LPP: variants seen among roughly 807,000 people sequenced by gnomAD.
LPP encodes the protein lipoma-preferred partner.
In LPP, 38 loss-of-function variants were observed where a neutral mutation model predicts 60.4. That is an observed-to-expected ratio of 0.63 (90% CI 0.49 to 0.83). LPP has a LOEUF of 0.83. Among genes scored for constraint, LPP ranks in the 40% least tolerant of loss-of-function variants. LPP has a pLI of 0.00. For synonymous variants in LPP, 328 were observed against 290.8 expected (o/e 1.13, Z -1.30); for missense variants, 902 against 783.6 (o/e 1.15, Z -1.80).
intron 2 of LPP, among the ~76,000 whole-genome samples, chr3:188,297,657 A>G (rs1748380787): frequency 2.0e-5 from 3 of 152,236 alleles, no homozygotes; most frequent in East Asian, 1.9e-4. Flanking sequence ...TCCATTTTAT[A>G]TATGAAGAAA....
intron 9 of LPP, among the ~76,000 whole-genome samples, chr3:188,812,777 CT>C (rs1352870743): frequency 2.7e-5 from 1 of 37,420 alleles, no homozygotes; most frequent in Non-Finnish European, 4.4e-5. Context: ...CACTCTCCCT[CT>C]CTCTCTCTCT....
chr3:188,473,277 A>G (rs573134486), intron 4 of LPP, among the ~76,000 whole-genome samples: 35 of 152,338 alleles, frequency 2.3e-4, no homozygotes, highest in African/African-American at 7.9e-4. Context: ...AAACACTGAC[A>G]TAATACTTCC....
At chr3:188,775,053 G>GTT (rs764136747) in intron 9 of LPP, among the ~76,000 whole-genome samples, 12,595 of 127,564 alleles carry the variant, frequency 0.099, 584 homozygotes, top group Non-Finnish European at 0.11. Context: ...TACATGCTTA[G>GTT]TGTTTTTTTT....
At chr3:188,786,878 C>T (rs902962441) in intron 9 of LPP, among the ~76,000 whole-genome samples, 1 of 152,104 alleles carries the variant, frequency 6.6e-6, no homozygotes, top group Non-Finnish European at 1.5e-5. Context: ...TGAAATAACA[C>T]TATATAAATG....
At chr3:188,494,547 CCCCTCA>C (rs1809377963) in intron 5 of LPP, among the ~76,000 whole-genome samples, 3 of 152,106 alleles carry the variant, frequency 2.0e-5, no homozygotes, top group Non-Finnish European at 4.4e-5. Context: ...CCTTGCCCCA[CCCCTCA>C]CCCTTTTTGT....
rs144348900 is a variant in LPP at position 188,381,504 on chromosome 3, A to C, written c.-9-24608A>C. On this transcript the variant is annotated intron_variant, in intron 3 of 11. Transcript: ENST00000617246. ...CATCTCTTTACTCTAGAAGGTTCTC[A>C]AAGGAGTTACCACACATGAAAGAAG... 3.9e-4 allele frequency among the ~76,000 whole-genome samples: 59 copies of C among 152,312 alleles called. No individual in the cohort carries two copies. The East Asian group carries it at 0.011, about 29-fold the overall frequency.
intron 9 of LPP, among the ~76,000 whole-genome samples, chr3:188,815,105 G>A (rs1752112160): frequency 6.6e-6 from 1 of 152,226 alleles, no homozygotes; most frequent in African/African-American, 2.4e-5. Flanking sequence ...GTTGGCATCT[G>A]ACACTAAATA....
chr3:188,267,855 C>A (rs984270497), intron 2 of LPP, among the ~76,000 whole-genome samples: 9 of 152,082 alleles, frequency 5.9e-5, no homozygotes, highest in Admixed American at 5.9e-4. Flanking sequence ...AGACCTCCAT[C>A]CCTAAACCCG....
intron 3 of LPP, among the ~76,000 whole-genome samples, chr3:188,365,131 T>C (rs4686953): frequency 0.35 from 51,202 of 147,392 alleles, 10,211 homozygotes; most frequent in Middle Eastern, 0.59. Flanking sequence ...TTTTTTTTTT[T>C]CTGGTGACCT....
chr3:188,221,392 T>C (rs1715719200), intron 1 of LPP, among the ~76,000 whole-genome samples: 1 of 152,182 alleles, frequency 6.6e-6, no homozygotes, highest in Non-Finnish European at 1.5e-5. Context: ...ATTGAGGCTC[T>C]TCGACACCCC....
intron 7 of LPP, among the ~76,000 whole-genome samples, chr3:188,617,209 C>T (rs144866988): frequency 2.0e-5 from 3 of 152,106 alleles, no homozygotes; most frequent in Non-Finnish European, 2.9e-5. Flanking sequence ...GACATAGAAG[C>T]GATTTTCAGA....
At position 188,818,026 on chromosome 3, in the gene LPP, G is replaced by T. The variant is rs554841871; in HGVS notation, c.1411-48174G>T. 2.6e-5 allele frequency among the ~76,000 whole-genome samples: 4 copies of T among 152,298 alleles called. No homozygotes were observed. In the South Asian group the frequency reaches 8.3e-4, roughly 32 times the overall value. On this transcript the variant is annotated intron_variant, in intron 9 of 11. Coordinates refer to ENST00000617246, the MANE Select transcript of LPP (RefSeq NM_001375462.1). The stretch of plus-strand genomic sequence containing the variant: ...AGCATGAGCAGAATCTCTCCTCTCT[G>T]CTAGTGAGGTCCTGTAGGTCTACAA...
chr3:188,767,203 G>C (rs780672050), intron 9 of LPP, among the ~76,000 whole-genome samples: 9 of 152,120 alleles, frequency 5.9e-5, no homozygotes, highest in Non-Finnish European at 8.8e-5. Context: ...CAAAGATGTA[G>C]TAGTAAACTC....
intron 2 of LPP, among the ~76,000 whole-genome samples, chr3:188,247,592 A>C (rs1727442475): frequency 6.6e-6 from 1 of 151,948 alleles, no homozygotes; most frequent in African/African-American, 2.4e-5. Context: ...TGAGGTCTGG[A>C]GTTCAAGACC....
chr3:188,721,112 G>A (rs1716186807), intron 8 of LPP, among the ~76,000 whole-genome samples: 1 of 151,972 alleles, frequency 6.6e-6, no homozygotes, highest in South Asian at 2.1e-4. Flanking sequence ...AGTATTATTT[G>A]CCTAATATTT....
chr3:188,592,231 T>G (rs1237352372), intron 6 of LPP, among the ~76,000 whole-genome samples: 1 of 152,116 alleles, frequency 6.6e-6, no homozygotes. Flanking sequence ...AACAACATTT[T>G]TGAAGAATTT....
At chr3:188,637,361 A>G (rs1252909038) in intron 7 of LPP, among the ~76,000 whole-genome samples, 11 of 152,138 alleles carry the variant, frequency 7.2e-5, no homozygotes, top group South Asian at 6.2e-4. Context: ...CGCATTCAAA[A>G]CAGTGTGTAG....
chr3:188,560,667 C>T (rs1391051406), intron 6 of LPP, among the ~76,000 whole-genome samples: 1 of 152,024 alleles, frequency 6.6e-6, no homozygotes, highest in Non-Finnish European at 1.5e-5. Flanking sequence ...AGTAATGAAG[C>T]CTATCTTTTT....
chr3:188,829,316 G>T (rs1020674749), intron 9 of LPP, among the ~76,000 whole-genome samples: 2 of 152,002 alleles, frequency 1.3e-5, no homozygotes, highest in Non-Finnish European at 2.9e-5. Context: ...CCTATCCTTT[G>T]TCCCTTCATG....
Sources: allele counts gnomAD v4.1 joint callset (sites outside exome capture counted in the v4.1 genomes callset), GRCh38; gene constraint gnomAD v4.1.1; transcripts MANE v1.5; gene names NCBI Gene and HGNC (gene_info 2026-07-23, HGNC 2026-07-21).